The following ENTREP2 variants were observed in gnomAD, a reference collection of about 807,000 sequenced individuals.
ENTREP2 encodes the protein endosomal transmembrane epsin interactor 2.
At chr15:29,169,797 A>G in the ENTREP2 span, among the ~76,000 whole-genome samples, 1 of 152,166 alleles carries the variant, frequency 6.6e-6, no homozygotes, top group African/African-American at 2.4e-5. Flanking sequence ...ACCCTACAGC[A>G]AACATCTGGA....
At chr15:29,152,010 T>C in the ENTREP2 span, among the ~76,000 whole-genome samples, 1 of 152,208 alleles carries the variant, frequency 6.6e-6, no homozygotes, top group Non-Finnish European at 1.5e-5. Flanking sequence ...TGGCCTTTCA[T>C]AGAAACACAT....
the ENTREP2 span, among the ~76,000 whole-genome samples, chr15:29,406,726 T>A: frequency 1.2e-4 from 18 of 152,286 alleles, no homozygotes; most frequent in African/African-American, 4.1e-4. Flanking sequence ...TTCACATTTC[T>A]AAACTTGATG....
the ENTREP2 span, among the ~76,000 whole-genome samples, chr15:29,353,307 A>G: frequency 8.9e-3 from 1,350 of 152,280 alleles, 7 homozygotes; most frequent in Middle Eastern, 0.048. Context: ...GCTGCACGCA[A>G]AAGAGAACTG....
chr15:29,163,750 T>G, the ENTREP2 span, among the ~76,000 whole-genome samples: 1 of 152,154 alleles, frequency 6.6e-6, no homozygotes, highest in African/African-American at 2.4e-5. Flanking sequence ...TCTTTAGGAA[T>G]AATAGAGGAA....
At chr15:29,292,919 GA>G in the ENTREP2 span, among the ~76,000 whole-genome samples, 2 of 152,248 alleles carry the variant, frequency 1.3e-5, no homozygotes, top group South Asian at 4.1e-4. Flanking sequence ...TTTGCCATGA[GA>G]AAAAGATAAA....
chr15:29,481,967 C>A, the ENTREP2 span, among the ~76,000 whole-genome samples: 2 of 152,050 alleles, frequency 1.3e-5, no homozygotes, highest in African/African-American at 4.8e-5. Flanking sequence ...ACAGCTTTCC[C>A]CATCAGAGTG....
chr15:29,604,257 T>G, the ENTREP2 span, among the ~76,000 whole-genome samples: 2 of 152,224 alleles, frequency 1.3e-5, no homozygotes, highest in East Asian at 3.9e-4. Context: ...GCCTATCAGA[T>G]GGCCACAAGA....
the ENTREP2 span, among the ~76,000 whole-genome samples, chr15:29,472,101 C>T: frequency 1.3e-5 from 2 of 152,152 alleles, no homozygotes; most frequent in South Asian, 2.1e-4. Context: ...AAACAATCTT[C>T]CCCCAAGAAA....
At chr15:29,573,877 T>G in the ENTREP2 span, among the ~76,000 whole-genome samples, 2 of 152,320 alleles carry the variant, frequency 1.3e-5, no homozygotes, top group East Asian at 3.9e-4. Context: ...TTTACAGAAT[T>G]TTTTAATCCT....
the ENTREP2 span, among the ~76,000 whole-genome samples, chr15:29,400,973 A>T: frequency 6.6e-6 from 1 of 152,234 alleles, no homozygotes; most frequent in South Asian, 2.1e-4. Flanking sequence ...CTGATGCACT[A>T]CGTGCTACCT....
the ENTREP2 span, among the ~76,000 whole-genome samples, chr15:29,308,652 A>G: frequency 1.3e-5 from 2 of 152,198 alleles, no homozygotes; most frequent in Non-Finnish European, 2.9e-5. Context: ...GTCCACATAT[A>G]TAAAGCAGCT....
chr15:29,412,546 AT>A, the ENTREP2 span, among the ~76,000 whole-genome samples: 3 of 151,988 alleles, frequency 2.0e-5, no homozygotes, highest in Admixed American at 6.6e-5. Context: ...TTGTATATGT[AT>A]TTTTTCTATA....
chr15:29,155,778 G>A, the ENTREP2 span, among the ~76,000 whole-genome samples: 2 of 152,176 alleles, frequency 1.3e-5, no homozygotes, highest in African/African-American at 4.8e-5. Flanking sequence ...AGGGATCAGG[G>A]TTCTTCATTG....
At chr15:29,548,453 T>TAAAAAAA in the ENTREP2 span, among the ~76,000 whole-genome samples, 2,780 of 134,066 alleles carry the variant, frequency 0.021, 168 homozygotes, top group African/African-American at 0.069. Context: ...AGATTCTGCC[T>TAAAAAAA]AAAAAAAAAA....
the ENTREP2 span, among the ~76,000 whole-genome samples, chr15:29,563,176 C>T: frequency 1.3e-5 from 2 of 152,166 alleles, no homozygotes; most frequent in Admixed American, 1.3e-4. Context: ...TTCCCAGTTA[C>T]ACAATGTAAC....
At chr15:29,514,956 TC>T in the ENTREP2 span, among the ~76,000 whole-genome samples, 2 of 152,078 alleles carry the variant, frequency 1.3e-5, no homozygotes, top group African/African-American at 4.8e-5. Context: ...TCACCCATGC[TC>T]CCAAGGGCCC....
At chr15:29,650,410 T>C in the ENTREP2 span, among the ~76,000 whole-genome samples, 3 of 151,944 alleles carry the variant, frequency 2.0e-5, no homozygotes, top group African/African-American at 7.3e-5. Context: ...CTGGACAATA[T>C]GGTGAAACCC....
the ENTREP2 span, chr15:29,376,736 C>T: frequency 6.6e-6 from 1 of 152,228 alleles, no homozygotes. Context: ...TCTCCTTCAT[C>T]TCGCTCTGTG....
the ENTREP2 span, among the ~76,000 whole-genome samples, chr15:29,150,566 G>A: frequency 2.0e-4 from 30 of 152,264 alleles, no homozygotes; most frequent in African/African-American, 5.1e-4. Context: ...ATGAGGCCCC[G>A]ATGAACAAGG....
Sources: gnomAD v4.1 joint callset for allele counts (sites outside exome capture counted in the v4.1 genomes callset) on GRCh38, gnomAD v4.1.1 for gene constraint, MANE v1.5 for transcripts, NCBI Gene and HGNC (gene_info 2026-07-23, HGNC 2026-07-21) for gene names.